SEMA3A: variants seen among roughly 807,000 people sequenced by gnomAD.
SEMA3A encodes the protein semaphorin 3A.
SEMA3A carries 29 observed loss-of-function variants against 97.9 expected under a neutral mutation model. The observed-to-expected ratio is 0.30, with a 90% CI of 0.22 to 0.40. The LOEUF is 0.40. SEMA3A is among the 10% of genes least tolerant of loss of function. The probability of loss-of-function intolerance (pLI) is 1.00; values close to 1 mark genes in which losing one functional copy is unlikely to be tolerated. For missense variants in SEMA3A, 763 were observed against 951.3 expected (o/e 0.80, Z 2.60); for synonymous variants, 321 against 323.7 (o/e 0.99, Z 0.09).
chr7:84,141,181 T>A (rs1796281381), intron 1 of SEMA3A, among the ~76,000 whole-genome samples: 1 of 152,130 alleles, frequency 6.6e-6, no homozygotes, highest in Admixed American at 6.6e-5. Flanking sequence ...TCTATATGCT[T>A]TTATTTATTT....
intron 1 of SEMA3A, among the ~76,000 whole-genome samples, chr7:84,402,463 C>T (rs752309220): frequency 3.9e-5 from 6 of 152,104 alleles, no homozygotes; most frequent in Non-Finnish European, 7.4e-5. Context: ...ATAATTAGAA[C>T]TACCATATAA....
chr7:84,323,967 T>G (rs1801716162), intron 2 of SEMA3A, among the ~76,000 whole-genome samples: 1 of 152,250 alleles, frequency 6.6e-6, no homozygotes, highest in Non-Finnish European at 1.5e-5. Flanking sequence ...TAGCATATTT[T>G]AGTTTTTAAA....
chr7:83,979,512 T>A (rs1379845713), intron 14 of SEMA3A, among the ~76,000 whole-genome samples: 1 of 152,186 alleles, frequency 6.6e-6, no homozygotes, highest in African/African-American at 2.4e-5. Flanking sequence ...TCTTAAAAAA[T>A]TTAATGTTAC....
intron 2 of SEMA3A, among the ~76,000 whole-genome samples, chr7:84,320,638 T>G (rs1801622128): frequency 8.1e-6 from 1 of 124,026 alleles, no homozygotes; most frequent in South Asian, 2.7e-4. Context: ...GAAGTTTTAG[T>G]GTACTTGAGA....
intron 2 of SEMA3A, among the ~76,000 whole-genome samples, chr7:84,359,173 A>G (rs1428836710): frequency 6.6e-6 from 1 of 152,108 alleles, no homozygotes; most frequent in African/African-American, 2.4e-5. Flanking sequence ...TTCCAACACT[A>G]TGTTGAATAG....
At chr7:84,275,764 T>G (rs1037161007) in intron 3 of SEMA3A, among the ~76,000 whole-genome samples, 2 of 151,960 alleles carry the variant, frequency 1.3e-5, no homozygotes, top group African/African-American at 4.8e-5. Context: ...TTACTGTAAA[T>G]GTAAAATGCA....
chr7:84,196,672 A>G (rs1335168920), upstream of SEMA3A, among the ~76,000 whole-genome samples: 1 of 152,158 alleles, frequency 6.6e-6, no homozygotes, highest in Non-Finnish European at 1.5e-5. Flanking sequence ...TAAGGCTACA[A>G]ATGACAAGAG....
At chr7:84,171,390 C>G (rs188723291) in intron 1 of SEMA3A, among the ~76,000 whole-genome samples, 55 of 152,164 alleles carry the variant, frequency 3.6e-4, no homozygotes, top group South Asian at 6.2e-4. Flanking sequence ...AGTGTTCAAA[C>G]TGAGGGACTT....
chr7:84,257,536 C>G (rs17158800), intron 3 of SEMA3A, among the ~76,000 whole-genome samples: 2,621 of 152,220 alleles, frequency 0.017, 77 homozygotes, highest in African/African-American at 0.06. Context: ...CATGTGGGTA[C>G]TAGCTATAAC....
chr7:84,029,808 T>C (rs1534074), intron 6 of SEMA3A, among the ~76,000 whole-genome samples: 94,822 of 141,168 alleles, frequency 0.67, 30,909 homozygotes, highest in Middle Eastern at 0.76. Flanking sequence ...ATCCCTTCCA[T>C]ATACACACAC....
At chr7:84,162,437 T>G (rs895084776) in intron 1 of SEMA3A, among the ~76,000 whole-genome samples, 3 of 152,000 alleles carry the variant, frequency 2.0e-5, no homozygotes, top group African/African-American at 7.2e-5. Context: ...GAATTGGACC[T>G]GGGGACCCCT....
intron 1 of SEMA3A, among the ~76,000 whole-genome samples, chr7:84,372,570 T>C (rs909216185): frequency 1.3e-5 from 2 of 152,000 alleles, no homozygotes; most frequent in African/African-American, 2.4e-5. Context: ...AGAGTTTTAG[T>C]GCTGAAAACT....
chr7:84,432,183 A>G (rs1804997307), intron 1 of SEMA3A, among the ~76,000 whole-genome samples: 1 of 152,108 alleles, frequency 6.6e-6, no homozygotes, highest in Non-Finnish European at 1.5e-5. Flanking sequence ...CTTAAAAATG[A>G]CAAAAGCCAT....
intron 12 of SEMA3A, among the ~76,000 whole-genome samples, chr7:83,992,910 C>T (rs1286767598): frequency 6.6e-6 from 1 of 151,166 alleles, no homozygotes; most frequent in Non-Finnish European, 1.5e-5. Context: ...CTAATGTTGA[C>T]ACTGGGGTGT....
At chr7:84,369,247 T>G (rs1033337947) in intron 2 of SEMA3A, among the ~76,000 whole-genome samples, 3 of 151,062 alleles carry the variant, frequency 2.0e-5, no homozygotes, top group Non-Finnish European at 4.5e-5. Flanking sequence ...TCCTGTGTTC[T>G]GTATGGACTT....
intron 1 of SEMA3A, among the ~76,000 whole-genome samples, chr7:84,406,384 C>T (rs151066604): frequency 6.6e-5 from 10 of 151,908 alleles, no homozygotes; most frequent in Non-Finnish European, 1.2e-4. Context: ...CAATAACAGG[C>T]TCTGAAATTG....
At chr7:84,139,894 A>G (rs1406511933) in intron 1 of SEMA3A, among the ~76,000 whole-genome samples, 1 of 152,072 alleles carries the variant, frequency 6.6e-6, no homozygotes, top group Admixed American at 6.6e-5. Context: ...TTTTATAATG[A>G]GTCAATTTTA....
At chr7:84,151,311 A>C (rs1044280890) in intron 1 of SEMA3A, among the ~76,000 whole-genome samples, 81 of 151,612 alleles carry the variant, frequency 5.3e-4, no homozygotes, top group Non-Finnish European at 5.2e-4. Context: ...GAGGACATTC[A>C]AACCAAAGGC....
intron 1 of SEMA3A, among the ~76,000 whole-genome samples, chr7:84,448,026 C>G (rs1584332556): frequency 6.6e-6 from 1 of 152,188 alleles, no homozygotes; most frequent in African/African-American, 2.4e-5. Context: ...AGCTGGTGTG[C>G]CCGGTGTGCC....
Sources: allele counts gnomAD v4.1 joint callset (sites outside exome capture counted in the v4.1 genomes callset), GRCh38; gene constraint gnomAD v4.1.1; transcripts MANE v1.5; gene names NCBI Gene and HGNC (gene_info 2026-07-23, HGNC 2026-07-21).